The following NOP53 variants were observed in gnomAD, a reference collection of about 807,000 sequenced individuals.
NOP53 encodes NOP53 ribosome biogenesis factor.
In NOP53, 40 loss-of-function variants were observed where a neutral mutation model predicts 61.0. The ratio of observed to expected loss-of-function variants is 0.66; its 90% CI spans 0.51 to 0.85. NOP53 has a LOEUF of 0.85. NOP53 is among the 40% of genes least tolerant of loss of function. The pLI is 0.00. For synonymous variants in NOP53, 308 were observed against 289.5 expected (o/e 1.06, Z -0.65); for missense variants, 689 against 652.9 (o/e 1.06, Z -0.60).
intron 10 of NOP53, 89 bp from the exon 11 acceptor site, chr19:47,756,438 TG>T: frequency 9.7e-7 from 1 of 1,028,632 alleles, no homozygotes; most frequent in Non-Finnish European, 1.5e-6. Context: ...GGAGACTGCA[TG>T]GGGCTGAGCC....
chr19:47,752,634 C>T, intron 6 of NOP53, 27 bp downstream of exon 6: 1 of 1,337,376 alleles, frequency 7.5e-7, no homozygotes, highest in East Asian at 2.3e-5. Flanking sequence ...AGGCCTCCCT[C>T]CTCAGTGGGC....
intron 6 of NOP53, chr19:47,752,894 G>T: frequency 2.5e-6 from 1 of 405,780 alleles, no homozygotes; most frequent in South Asian, 3.8e-5. Flanking sequence ...GGGGTTTGCA[G>T]TGGGAGGAGG....
At chr19:47,755,918 C>A (rs1434093316) in intron 10 of NOP53, 96 bp downstream of exon 10, 2 of 1,057,834 alleles carry the variant, frequency 1.9e-6, no homozygotes, top group Admixed American at 1.9e-5. Context: ...ACCATGGCTG[C>A]CCCTGGGCTG....
chr19:47,746,164 GTA>G (rs1247525685), intron 1 of NOP53: 1 of 182,056 alleles, frequency 5.5e-6, no homozygotes, highest in African/African-American at 2.4e-5. Flanking sequence ...ATATATATGT[GTA>G]TATGTGTGTG....
chr19:47,750,107 G>A, intron 2 of NOP53, 71 bp from the exon 3 acceptor site: 2 of 934,276 alleles, frequency 2.1e-6, no homozygotes, highest in Non-Finnish European at 3.5e-6. Context: ...TCCCATGGAG[G>A]TGAATAGGGT....
In NOP53 at chr19:47,755,451, CGCGGCGGCAGAG is replaced by C. The variant is rs749342231; in HGVS notation, c.1168_1179del (p.Arg390_Gln393del). 1.1e-5 allele frequency: 16 copies of C among 1,514,674 alleles called. No homozygotes were observed. Among genetic ancestry groups the C allele is most frequent in the South Asian group, 8.8e-5 (7 of 79,860 alleles). 93.8% of individuals were successfully genotyped at this position (1,514,674 alleles called of 1,614,324 possible). On this transcript the variant is annotated inframe_deletion, in exon 9 of 13. Transcript: ENST00000246802. ...GTGGCCCTGAGGCTGGCGGAGCTGG[CGCGGCGGCAGAG>C]GCGGCGGCAGGCGCGGCGGGAGGCT...
rs753822684 is a variant in NOP53, at chr19:47,754,755, A to T, written c.917A>T (p.Asp306Val). The change falls in exon 8 of 13, where the codon GAT becomes GTT. Residue 306 changes from aspartate (D) to valine (V), a missense_variant. Asp to Val is a radical substitution (Grantham distance 152). Transcript: ENST00000246802. This position sits in a 1 kb window ranked among gnomAD's most constrained non-coding sequence, Gnocchi z 4.2. ...TGCGAGGGGCTGCTGGAGGAGTCGG[A>T]TGGTGAGGGGGAGCCAGGCCAGGGC... ...ELCEGLLEES[D>V]GEGEPGQGEG... 13 of 1,527,682 alleles carry T rather than the reference A, an allele frequency of 8.5e-6. No individual in the cohort carries two copies. The South Asian group carries it at 1.5e-4, about 17-fold the overall frequency. The allele number at this position is 1,527,682 out of a possible 1,614,324, so 94.6% of individuals were successfully genotyped here. A position where few individuals can be genotyped will look rare whatever the true frequency, so the allele number is the denominator to read the frequency against.
chr19:47,751,146 C>T (rs772518601), intron 4 of NOP53, 39 bp downstream of exon 4: 11 of 1,514,708 alleles, frequency 7.3e-6, no homozygotes, highest in South Asian at 2.4e-5. Flanking sequence ...GGGGACAGGA[C>T]GGCCATGTGC....
At chr19:47,749,547 A>G (rs1967100550) in intron 2 of NOP53, among the ~76,000 whole-genome samples, 2 of 152,104 alleles carry the variant, frequency 1.3e-5, no homozygotes, top group African/African-American at 2.4e-5. Context: ...GTGTTATTCC[A>G]TTCTAGAGTG....
At chr19:47,745,862 TCGGGGG>T (rs1967056096) in intron 1 of NOP53, 79 bp downstream of exon 1, 4 of 536 alleles carry the variant, frequency 7.5e-3, no homozygotes, top group Admixed American at 0.059. Context: ...CGTGGACTCG[TCGGGGG>T]TCGGGGGTCG....
intron 3 of NOP53, 32 bp from the exon 4 acceptor site, chr19:47,750,876 C>CT: frequency 6.5e-7 from 1 of 1,549,128 alleles, no homozygotes; most frequent in South Asian, 1.2e-5. Context: ...GCCACCTCAC[C>CT]TGCTGCACTT....
chr19:47,751,454 G>C (rs1026547915), intron 4 of NOP53, 66 bp from the exon 5 acceptor site: 115 of 1,237,796 alleles, frequency 9.3e-5, no homozygotes, highest in Non-Finnish European at 1.1e-4. Context: ...GAGGGATTGG[G>C]GGGGAGCCTT....
At chr19:47,746,907 A>G in intron 1 of NOP53, 60 bp from the exon 2 acceptor site, 1 of 1,386,012 alleles carries the variant, frequency 7.2e-7, no homozygotes, top group Non-Finnish European at 1.0e-6. Flanking sequence ...TGGACCTGCC[A>G]GGTTAAATCT....
intron 4 of NOP53, 136 bp downstream of exon 4, chr19:47,751,243 G>A (rs1025284111): frequency 6.1e-6 from 5 of 821,498 alleles, no homozygotes; most frequent in African/African-American, 1.7e-5. Context: ...GCAGAGTCGT[G>A]CGTCCTGAAG....
In NOP53 at chr19:47,754,134, G is replaced by A. The variant is rs1300662365; in HGVS notation, c.766-393G>A. On this transcript the variant is annotated intron_variant, in intron 6 of 12. Coordinates refer to ENST00000246802, the MANE Select transcript of NOP53 (RefSeq NM_015710.5). This position sits in a 1 kb window ranked among gnomAD's most constrained non-coding sequence, Gnocchi z 4.2. The stretch of plus-strand genomic sequence containing the variant: ...CTCTACTAAAGTTACAGAATTAGCC[G>A]GGTATGGTGGCACATGCCTGTAATA... 1.1e-5 allele frequency: 2 copies of A among 178,794 alleles called. No individual in the cohort carries two copies. The highest frequency in any genetic ancestry group is 2.4e-5 in the Non-Finnish European group (2 of 84,538). The allele number at this position is 178,794 out of a possible 1,614,324, so 11.1% of individuals were successfully genotyped here.
intron 1 of NOP53, 149 bp from the exon 2 acceptor site, chr19:47,746,818 T>G (rs930879103): frequency 1.7e-4 from 107 of 637,890 alleles, no homozygotes; most frequent in Non-Finnish European, 2.6e-4. Flanking sequence ...TCCTAAATAC[T>G]AAGTTCTGTA....
chr19:47,751,056 G>A lies in NOP53; in HGVS notation c.547G>A (p.Gly183Arg), dbSNP rs368183644. The change falls in exon 4 of 13, where the codon GGG becomes AGG. Residue 183 changes from glycine (G) to arginine (R), a missense_variant. Coordinates refer to ENST00000246802, the MANE Select transcript of NOP53 (RefSeq NM_015710.5). ...CCCTTCTGCAACAAGGGCCAAGCCCGGGCCCCAGGACACCGTAGAGCGGCC... is the reference window on the plus strand; with the variant it reads ...CCCTTCTGCAACAAGGGCCAAGCCCAGGCCCCAGGACACCGTAGAGCGGCC... ...LNPSATRAKPGPQDTVERPFY... is the reference protein window; with the variant it reads ...LNPSATRAKPRPQDTVERPFY... The A allele has an allele frequency of 2.9e-5, 47 of 1,608,396 alleles. No individual in the cohort carries two copies. In the African/African-American group the frequency reaches 3.7e-4, roughly 13 times the overall value.
intron 12 of NOP53, 37 bp downstream of exon 12, chr19:47,756,781 C>T (rs754182534): frequency 1.2e-6 from 2 of 1,604,536 alleles, no homozygotes; most frequent in East Asian, 2.2e-5. Flanking sequence ...GAAGGGAGCC[C>T]TTCTCCCACC....
intron 3 of NOP53, 30 bp from the exon 4 acceptor site, chr19:47,750,878 G>A: frequency 1.3e-6 from 2 of 1,552,784 alleles, no homozygotes; most frequent in Non-Finnish European, 1.7e-6. Context: ...CACCTCACCT[G>A]CTGCACTTGT....
Sources: allele counts gnomAD v4.1 joint callset (sites outside exome capture counted in the v4.1 genomes callset), GRCh38; gene constraint gnomAD v4.1.1; non-coding constraint Gnocchi (gnomAD v3.1); transcripts MANE v1.5; gene names NCBI Gene and HGNC (gene_info 2026-07-23, HGNC 2026-07-21).